KHDRBS2: variants seen among roughly 807,000 people sequenced by gnomAD.
KHDRBS2 encodes KH domain-containing, RNA-binding, signal transduction-associated protein 2.
KHDRBS2 carries 26 observed loss-of-function variants against 44.3 expected under a neutral mutation model. The ratio of observed to expected loss-of-function variants is 0.59; its 90% CI spans 0.43 to 0.81. The LOEUF is 0.81. KHDRBS2 is among the 40% of genes least tolerant of loss of function. KHDRBS2 has a pLI of 0.00. For missense variants in KHDRBS2, 476 were observed against 433.1 expected, an observed-to-expected ratio of 1.10 and a Z score of -0.88; for synonymous variants, 194 against 151.1, an observed-to-expected ratio of 1.28 and a Z score of -2.08.
chr6:61,613,105 GC>G, the KHDRBS2 span, among the ~76,000 whole-genome samples: 7 of 152,182 alleles, frequency 4.6e-5, no homozygotes, highest in African/African-American at 9.6e-5. Context: ...TCCCGCCTTG[GC>G]CTCCCAAAGT....
chr6:61,947,874 C>T (rs1813681956), intron 4 of KHDRBS2, among the ~76,000 whole-genome samples: 1 of 149,392 alleles, frequency 6.7e-6, no homozygotes. Context: ...CAGTTAGGAA[C>T]AAAAACCAGA....
At chr6:62,055,314 A>G (rs1316563830) in intron 2 of KHDRBS2, among the ~76,000 whole-genome samples, 1 of 152,076 alleles carries the variant, frequency 6.6e-6, no homozygotes, top group Non-Finnish European at 1.5e-5. Context: ...ATGGGAATGG[A>G]AAAATCTTAT....
the KHDRBS2 span, among the ~76,000 whole-genome samples, chr6:61,602,433 A>C: frequency 6.6e-6 from 1 of 152,198 alleles, no homozygotes; most frequent in South Asian, 2.1e-4. Context: ...ATTCCTCCTA[A>C]GCTGTGTCCC....
intron 8 of KHDRBS2, among the ~76,000 whole-genome samples, chr6:61,693,987 A>T (rs564503808): frequency 1.3e-5 from 2 of 152,106 alleles, no homozygotes; most frequent in South Asian, 4.2e-4. Context: ...TAGAAATCTC[A>T]TCTCTTATCA....
the KHDRBS2 span, among the ~76,000 whole-genome samples, chr6:61,601,057 G>T: frequency 6.6e-6 from 1 of 152,124 alleles, no homozygotes; most frequent in Non-Finnish European, 1.5e-5. Flanking sequence ...TCACTGCAGG[G>T]ATGCCTGCCT....
intron 3 of KHDRBS2, among the ~76,000 whole-genome samples, chr6:62,043,951 A>T (rs1466425630): frequency 6.6e-6 from 1 of 152,064 alleles, no homozygotes; most frequent in Non-Finnish European, 1.5e-5. Context: ...TTTTAAAAAA[A>T]TGTTACACTG....
intron 3 of KHDRBS2, among the ~76,000 whole-genome samples, chr6:62,000,038 T>C (rs567638562): frequency 2.0e-5 from 3 of 152,256 alleles, no homozygotes; most frequent in East Asian, 1.9e-4. Flanking sequence ...TGTTATCATA[T>C]CAGATAATGT....
the KHDRBS2 span, among the ~76,000 whole-genome samples, chr6:61,546,121 A>G: frequency 6.6e-6 from 1 of 152,064 alleles, no homozygotes; most frequent in African/African-American, 2.4e-5. Context: ...ATCTTTATCT[A>G]GTATTTCTCT....
chr6:62,267,030 A>T (rs142553649), intron 1 of KHDRBS2, among the ~76,000 whole-genome samples: 2 of 152,120 alleles, frequency 1.3e-5, no homozygotes, highest in East Asian at 3.9e-4. Flanking sequence ...TCCTAATTTC[A>T]ATGTCTGCTT....
intron 6 of KHDRBS2, among the ~76,000 whole-genome samples, chr6:61,825,148 T>C (rs1790632877): frequency 1.3e-5 from 2 of 152,136 alleles, no homozygotes; most frequent in African/African-American, 4.8e-5. Context: ...AGAAAAAGAA[T>C]ATATAGTCTG....
chr6:61,848,518 T>TAC (rs1491481072), intron 6 of KHDRBS2, among the ~76,000 whole-genome samples: 17 of 46,126 alleles, frequency 3.7e-4, no homozygotes, highest in African/African-American at 9.8e-4. Context: ...TATGTATATA[T>TAC]GTATATATAT....
the KHDRBS2 span, among the ~76,000 whole-genome samples, chr6:61,612,436 G>A: frequency 2.2e-4 from 34 of 152,064 alleles, no homozygotes; most frequent in Non-Finnish European, 3.7e-4. Flanking sequence ...GCTCAATATT[G>A]CTATCTATGT....
intron 4 of KHDRBS2, among the ~76,000 whole-genome samples, chr6:61,916,965 A>ATTTTTTTTTTTTTTTTTTTTTTT: frequency 1.1e-5 from 1 of 90,640 alleles, no homozygotes; most frequent in Non-Finnish European, 2.1e-5. Flanking sequence ...GGAACTCTGT[A>ATTTTTTTTTTTTTTTTTTTTTTT]TTTTTTTTTT....
chr6:61,566,992 T>C, the KHDRBS2 span, among the ~76,000 whole-genome samples: 1 of 152,194 alleles, frequency 6.6e-6, no homozygotes, highest in African/African-American at 2.4e-5. Flanking sequence ...GATTTTTAAA[T>C]GCTGGAATGA....
At chr6:62,139,484 C>T (rs1294469599) in intron 2 of KHDRBS2, among the ~76,000 whole-genome samples, 26 of 150,426 alleles carry the variant, frequency 1.7e-4, no homozygotes, top group Non-Finnish European at 2.4e-4. Flanking sequence ...ACCCGGGAGG[C>T]GGAGCTTGCA....
At chr6:62,144,056 A>T (rs759625640) in intron 2 of KHDRBS2, among the ~76,000 whole-genome samples, 16 of 151,944 alleles carry the variant, frequency 1.1e-4, no homozygotes, top group Non-Finnish European at 2.1e-4. Context: ...CACCAAAAAC[A>T]TCTTTCAAAA....
the KHDRBS2 span, among the ~76,000 whole-genome samples, chr6:61,611,410 T>TTA: frequency 6.6e-6 from 1 of 152,216 alleles, no homozygotes; most frequent in Non-Finnish European, 1.5e-5. Context: ...GTAAATACTC[T>TTA]TACAGAGGTA....
At chr6:61,597,133 G>A in the KHDRBS2 span, among the ~76,000 whole-genome samples, 1 of 152,192 alleles carries the variant, frequency 6.6e-6, no homozygotes, top group African/African-American at 2.4e-5. Flanking sequence ...AGTTTTTTAT[G>A]TAAACGTTTA....
intron 1 of KHDRBS2, among the ~76,000 whole-genome samples, chr6:62,190,126 G>C (rs1009941309): frequency 1.3e-5 from 2 of 152,082 alleles, no homozygotes; most frequent in African/African-American, 4.8e-5. Flanking sequence ...ATGAATGCAA[G>C]AGGAAGAAAA....
Sources: allele counts gnomAD v4.1 joint callset (sites outside exome capture counted in the v4.1 genomes callset), GRCh38; gene constraint gnomAD v4.1.1; transcripts MANE v1.5; gene names NCBI Gene and HGNC (gene_info 2026-07-23, HGNC 2026-07-21).